The following ITGAD variants were observed in gnomAD, a reference collection of about 807,000 sequenced individuals.
The protein encoded by ITGAD is integrin alpha-D.
A neutral mutation model predicts 139.0 loss-of-function variants in ITGAD; 105 were observed. The ratio of observed to expected loss-of-function variants is 0.76; its 90% CI spans 0.65 to 0.89. The LOEUF is 0.89. Among genes scored for constraint, ITGAD ranks in the 40% least tolerant of loss-of-function variants. ITGAD has a pLI of 0.00. For missense variants in ITGAD, 1,384 were observed against 1,487.3 expected, an observed-to-expected ratio of 0.93 and a Z score of 1.14; for synonymous variants, 569 against 598.3, an observed-to-expected ratio of 0.95 and a Z score of 0.71.
In ITGAD at chr16:31,414,920, G is replaced by T. The variant is rs1357260084; in HGVS notation, c.2212G>T (p.Glu738Ter). 2 of 1,613,950 alleles carry T rather than the reference G, an allele frequency of 1.2e-6. No individual in the cohort carries two copies. Among genetic ancestry groups the T allele is most frequent in the African/African-American group, 2.7e-5 (2 of 74,906 alleles). The change falls in exon 18 of 30, where the codon GAG becomes TAG. Residue 738 changes from glutamate to a stop codon, truncating the protein, a stop_gained. Coordinates refer to ENST00000389202, the MANE Select transcript of ITGAD (RefSeq NM_005353.3). LOFTEE classifies it high-confidence loss of function. ...ILHLNFSLVR[E>*]PIPSPQNLRP... ...GCACCTCAACTTCTCACTGGTGAGA[G>T]AGCCCATCCCCTCCCCCCAGAACCT... is the stretch of plus-strand genomic sequence containing the variant.
chr16:31,411,546 C>T, intron 14 of ITGAD, 29 bp downstream of exon 14: 1 of 1,606,934 alleles, frequency 6.2e-7, no homozygotes. Flanking sequence ...CTCTTTTAGT[C>T]CCAGCTCCTT....
chr16:31,416,695 G>A (rs1415644166), intron 20 of ITGAD, 49 bp downstream of exon 20: 2 of 1,554,926 alleles, frequency 1.3e-6, no homozygotes, highest in Non-Finnish European at 1.7e-6. Flanking sequence ...CCCCTGCCCT[G>A]TAGCCCCGGG....
chr16:31,399,818 A>G (rs1317358430), intron 5 of ITGAD, among the ~76,000 whole-genome samples: 1 of 151,978 alleles, frequency 6.6e-6, no homozygotes, highest in East Asian at 1.9e-4. Context: ...AGTGCTGAAT[A>G]CCTGGTATGA....
At position 31,403,468 on chromosome 16, in the gene ITGAD, G is replaced by C; in HGVS notation, c.559-32G>C. On this transcript the variant is annotated intron_variant, in intron 6 of 29. Coordinates refer to ENST00000389202, the MANE Select transcript of ITGAD (RefSeq NM_005353.3). The surrounding 1 kb of genome is among the most constrained non-coding windows in gnomAD (Gnocchi z 4.4). ...AATAAAAACAATAGTAACAGGCACTGAGCCCTGGGCCCTCCCCACTGGCCT... is the reference window on the plus strand; with the variant it reads ...AATAAAAACAATAGTAACAGGCACTCAGCCCTGGGCCCTCCCCACTGGCCT... 6.2e-7 allele frequency: 1 copy of C among 1,612,860 alleles called. No individual in the cohort carries two copies. The highest frequency in any genetic ancestry group is 1.3e-5 in the African/African-American group (1 of 74,992).
chr16:31,411,937 G>T (rs2081728865), intron 14 of ITGAD, among the ~76,000 whole-genome samples: 1 of 152,204 alleles, frequency 6.6e-6, no homozygotes, highest in Non-Finnish European at 1.5e-5. Context: ...GACCAGTGAT[G>T]AATACACAAA....
intron 27 of ITGAD, 53 bp downstream of exon 27, chr16:31,424,011 A>G: frequency 1.2e-6 from 2 of 1,606,892 alleles, no homozygotes; most frequent in Non-Finnish European, 1.7e-6. Flanking sequence ...AGGACCTGGC[A>G]TGTCTGTGCC....
At chr16:31,420,204 GAGGTGTGAGA>G (rs2081980874) in intron 23 of ITGAD, among the ~76,000 whole-genome samples, 2 of 152,294 alleles carry the variant, frequency 1.3e-5, no homozygotes, top group South Asian at 4.1e-4. Flanking sequence ...GAGTGGGGCA[GAGGTGTGAGA>G]AACTGTTGGG....
At position 31,423,866 on chromosome 16, in the gene ITGAD, C is replaced by T. The variant is rs762538670; in HGVS notation, c.3067C>T (p.Leu1023=). Residue 1023 remains leucine, a synonymous_variant, in exon 27 of 30, where the codon CTG becomes TTG. Coordinates refer to ENST00000389202, the MANE Select transcript of ITGAD (RefSeq NM_005353.3). ...PMLDCSIADC[L]QFRCDVPSFS... is the part of the protein sequence containing the mutation. ...CCAGGACTGCTCCATTGCTGACTGC[C>T]TGCAGTTCCGCTGTGACGTCCCCTC... 6 of 1,614,112 alleles carry T rather than the reference C, an allele frequency of 3.7e-6. No homozygotes were observed. Among genetic ancestry groups the T allele is most frequent in the Admixed American group, 1.7e-5 (1 of 60,014 alleles).
chr16:31,410,510 G>C lies in ITGAD; in HGVS notation c.1199G>C (p.Arg400Thr), dbSNP rs559725740. 6.2e-7 allele frequency: 1 copy of C among 1,613,868 alleles called. No homozygotes were observed. The highest frequency in any genetic ancestry group is 1.1e-5 in the South Asian group (1 of 91,058). ...INMSQENVDMRDSYLGYSTEL... is the reference protein window; with the variant it reads ...INMSQENVDMTDSYLGYSTEL... ...ATGTCTCAGGAGAATGTGGACATGA[G>C]GGACTCTTACCTGGGTGAGAAACGG... is the stretch of plus-strand genomic sequence containing the variant. The change falls in exon 11 of 30, where the codon AGG (arginine) becomes ACG (threonine). Residue 400 changes from arginine to threonine, a missense_variant. Arg to Thr is a moderately conservative substitution (Grantham distance 71). Coordinates refer to ENST00000389202, the MANE Select transcript of ITGAD (RefSeq NM_005353.3).
chr16:31,420,748 A>G (rs1322015354), intron 23 of ITGAD, among the ~76,000 whole-genome samples: 1 of 151,908 alleles, frequency 6.6e-6, no homozygotes, highest in Non-Finnish European at 1.5e-5. Context: ...CTAGTTTTGT[A>G]TTTTTAGTAG....
rs1043245231 is a variant in ITGAD, at chr16:31,403,883, G to A, written c.704+238G>A. ...TGCCTCCCCTTTGCCTGGTTCTGCA[G>A]AGCCTGGACCCCAGGACCCCTCCCC... On this transcript the variant is annotated intron_variant, in intron 7 of 29. Coordinates refer to ENST00000389202, the MANE Select transcript of ITGAD (RefSeq NM_005353.3). The surrounding 1 kb of genome is among the most constrained non-coding windows in gnomAD (Gnocchi z 4.4). 2 of 529,908 alleles carry A rather than the reference G, an allele frequency of 3.8e-6. No individual in the cohort carries two copies. The highest frequency in any genetic ancestry group is 3.2e-5 in the Admixed American group (1 of 31,018). 32.8% of individuals were successfully genotyped at this position (529,908 alleles called of 1,614,324 possible). A position where few individuals can be genotyped will look rare whatever the true frequency, so the allele number is the denominator to read the frequency against.
chr16:31,423,217 T>C, intron 24 of ITGAD, 25 bp downstream of exon 24: 1 of 1,607,016 alleles, frequency 6.2e-7, no homozygotes, highest in South Asian at 1.1e-5. Context: ...AGTATCCATG[T>C]CTGCCTTCCA....
chr16:31,416,221 C>G lies in ITGAD; in HGVS notation c.2292C>G (p.Phe764Leu), dbSNP rs1374291141. The part of the protein sequence containing the change: ...SQDLFTASLP[F>L]EKNCGQDGLC... ...ATACTATTTTGCTGCAGCTCCCCTT[C>G]GAGAAGAACTGTGGGCAAGATGGCC... Residue 764 changes from phenylalanine to leucine, a missense_variant, in exon 19 of 30, where the codon TTC (phenylalanine) becomes TTG (leucine). Physicochemically the swap from Phe to Leu is conservative, Grantham distance 22. Coordinates refer to ENST00000389202, the MANE Select transcript of ITGAD (RefSeq NM_005353.3). 1 of 1,605,112 alleles carries G rather than the reference C, an allele frequency of 6.2e-7. No homozygotes were observed. The highest frequency in any genetic ancestry group is 8.5e-7 in the Non-Finnish European group (1 of 1,174,478).
At chr16:31,397,013 G>T (rs554079313) in intron 2 of ITGAD, among the ~76,000 whole-genome samples, 5 of 145,400 alleles carry the variant, frequency 3.4e-5, no homozygotes, top group East Asian at 4.3e-4. Context: ...ACTCAGAAAC[G>T]CAATGTGCTT....
At chr16:31,419,014 ACT>A (rs1172614576) in intron 23 of ITGAD, among the ~76,000 whole-genome samples, 2 of 119,894 alleles carry the variant, frequency 1.7e-5, no homozygotes, top group Admixed American at 9.7e-5. Context: ...ACAGAGGGAG[ACT>A]CTGTCTCAAA....
intron 24 of ITGAD, 44 bp downstream of exon 24, chr16:31,423,236 A>G (rs766929114): frequency 2.0e-5 from 32 of 1,600,970 alleles, no homozygotes; most frequent in Admixed American, 1.5e-4. Flanking sequence ...CACGTTGTGG[A>G]TAAAGTTGGA....
Position 31,414,433 on chromosome 16 carries a change from C to A in ITGAD, c.1997-18C>A. 6.2e-7 allele frequency: 1 copy of A among 1,607,950 alleles called. No homozygotes were observed. The highest frequency in any genetic ancestry group is 8.5e-7 in the Non-Finnish European group (1 of 1,176,120). ...GTTATTTCTGCCTTTTCATTTTGCA[C>A]TCTCCCCTGCACTTCAGGTGACATC... On this transcript the variant is annotated intron_variant, in intron 16 of 29. Coordinates refer to ENST00000389202, the MANE Select transcript of ITGAD (RefSeq NM_005353.3).
In ITGAD at chr16:31,413,104, G is replaced by C. The variant is rs375382547; in HGVS notation, c.1854G>C (p.Leu618=). 5.0e-6 allele frequency: 8 copies of C among 1,614,056 alleles called. No homozygotes were observed. The African/African-American group carries it at 9.3e-5, about 19-fold the overall frequency. Residue 618 remains leucine, a synonymous_variant, in exon 16 of 30, where the codon CTG becomes CTC. Transcript: ENST00000389202. Reference sequence around the variant, plus strand: ...TGCCCCTCAGGAGTCTGCCGGTGCTGAAAGTGGGGGTGGCCATGAGATTCA... The same window carrying C: ...TGCCCCTCAGGAGTCTGCCGGTGCTCAAAGTGGGGGTGGCCATGAGATTCA... ...QVLLLRSLPV[L]KVGVAMRFSP... is the part of the protein sequence containing the mutation.
chr16:31,415,890 G>C (rs2081873439), intron 18 of ITGAD, among the ~76,000 whole-genome samples: 1 of 152,158 alleles, frequency 6.6e-6, no homozygotes, highest in Non-Finnish European at 1.5e-5. Flanking sequence ...TGTCGAATTT[G>C]CCTGTCATTT....
Sources: allele counts gnomAD v4.1 joint callset (sites outside exome capture counted in the v4.1 genomes callset), GRCh38; gene constraint gnomAD v4.1.1; non-coding constraint Gnocchi (gnomAD v3.1); transcripts MANE v1.5; gene names NCBI Gene and HGNC (gene_info 2026-07-23, HGNC 2026-07-21).